Variants in TGFBR2 observed in about 807,000 individuals in gnomAD.
The protein encoded by TGFBR2 is TGF-beta receptor type-2.
A neutral mutation model predicts 49.0 loss-of-function variants in TGFBR2; 18 were observed. The ratio of observed to expected loss-of-function variants is 0.37; its 90% CI spans 0.25 to 0.54. The LOEUF (loss-of-function observed/expected upper bound fraction) is 0.54. TGFBR2 is among the 20% of genes least tolerant of loss of function. The pLI, the probability that TGFBR2 is intolerant of heterozygous loss-of-function variation, is 0.85. For missense variants in TGFBR2, 525 were observed against 722.6 expected (o/e 0.73, Z 3.13); for synonymous variants, 282 against 275.9 (o/e 1.02, Z -0.22).
chr3:30,693,838 G>GTT lies in TGFBR2; in HGVS notation c.*2247_*2248dup, dbSNP rs34914516. On this transcript the variant is annotated 3_prime_UTR_variant, in exon 7 of 7. Transcript: ENST00000295754. Reference sequence around the variant, plus strand: ...GGATACTGTGGCTTGTTTTGTTTATGTTTTTTTTTCTTATTCAAGAAAAAA... The same window carrying GTT: ...GGATACTGTGGCTTGTTTTGTTTATGTTTTTTTTTTTCTTATTCAAGAAAAAA... 9.2e-4 allele frequency: 209 copies of GTT among 226,700 alleles called. No homozygotes were observed. Among genetic ancestry groups the GTT allele is most frequent in the Non-Finnish European group, 1.5e-3 (169 of 114,216 alleles). The allele number at this position is 226,700 out of a possible 1,614,324, so 14.0% of individuals were successfully genotyped here. A position where few individuals can be genotyped will look rare whatever the true frequency, so the allele number is the denominator to read the frequency against.
Position 30,671,986 on chromosome 3 carries a change from C to T in TGFBR2, c.803C>T (p.Ser268Leu), listed in dbSNP as rs139078984. Reference sequence around the variant, plus strand: ...AAGGCCAAGCTGAAGCAGAACACTTCAGAGCAGTTTGAGACAGTGGCAGTC... The same window carrying T: ...AAGGCCAAGCTGAAGCAGAACACTTTAGAGCAGTTTGAGACAGTGGCAGTC... ...VYKAKLKQNT[S>L]EQFETVAVKI... Residue 268 changes from serine to leucine, a missense_variant, in exon 4 of 7, where the codon TCA becomes TTA. Physicochemically the swap from Ser to Leu is moderately radical, Grantham distance 145 (BLOSUM62 -2). Around this residue, in one of 3 missense-constraint regions of TGFBR2, gnomAD observed 376 missense variants for 478.2 expected, o/e 0.79. Transcript: ENST00000295754. 2.5e-6 allele frequency: 4 copies of T among 1,614,078 alleles called. No individual in the cohort carries two copies. Among genetic ancestry groups the T allele is most frequent in the Non-Finnish European group, 3.4e-6 (4 of 1,180,034 alleles).
At chr3:30,649,817 A>T (rs939602987) in intron 2 of TGFBR2, among the ~76,000 whole-genome samples, 3 of 152,200 alleles carry the variant, frequency 2.0e-5, no homozygotes, top group African/African-American at 7.2e-5. Flanking sequence ...CTTTGAAAAC[A>T]GTATAGCTAG....
At chr3:30,617,738 G>A (rs960234799) in intron 1 of TGFBR2, among the ~76,000 whole-genome samples, 1 of 152,140 alleles carries the variant, frequency 6.6e-6, no homozygotes, top group Non-Finnish European at 1.5e-5. Context: ...AACAGCAACT[G>A]AAGATGTTCT....
intron 1 of TGFBR2, chr3:30,626,937 T>C (rs1698342057): frequency 6.6e-6 from 1 of 152,222 alleles, no homozygotes; most frequent in Non-Finnish European, 1.5e-5. Context: ...AATCAGATTA[T>C]GGGAGCCTTA....
intron 3 of TGFBR2, among the ~76,000 whole-genome samples, chr3:30,651,078 C>T (rs1017192123): frequency 4.6e-5 from 7 of 152,172 alleles, no homozygotes; most frequent in Non-Finnish European, 7.3e-5. Flanking sequence ...AGATTAGATA[C>T]TAGCCTCCAT....
chr3:30,649,165 C>T (rs138079917), intron 2 of TGFBR2, among the ~76,000 whole-genome samples: 4 of 152,228 alleles, frequency 2.6e-5, no homozygotes, highest in East Asian at 1.9e-4. Context: ...CCCTTCCTTC[C>T]GCTCCCTCTC....
At chr3:30,650,481 G>T (rs2125410880) in intron 3 of TGFBR2, 21 bp downstream of exon 3, 1 of 1,613,484 alleles carries the variant, frequency 6.2e-7, no homozygotes, top group Non-Finnish European at 8.5e-7. Context: ...TTCTCTTAAG[G>T]GTGTGGGACC....
At chr3:30,659,008 G>T (rs908228906) in intron 3 of TGFBR2, among the ~76,000 whole-genome samples, 1 of 152,286 alleles carries the variant, frequency 6.6e-6, no homozygotes, top group Non-Finnish European at 1.5e-5. Flanking sequence ...CTCATTTTAT[G>T]TTTGTTCAGC....
rs1240079775 is a variant in TGFBR2 at position 30,649,058 on chromosome 3, GA to G, written c.264-1208del. Among the ~76,000 whole-genome samples the G allele has an allele frequency of 9.9e-5, 15 of 152,258 alleles. No homozygotes were observed. The East Asian group carries it at 2.3e-3, about 24-fold the overall frequency. ...GTGCATGGGGCAGGGAGGATTAGGG[GA>G]AAATTGGTGAGTGAGTACATGCATG... is the stretch of plus-strand genomic sequence containing the variant. On this transcript the variant is annotated intron_variant, in intron 2 of 6. Coordinates refer to ENST00000295754, the MANE Select transcript of TGFBR2 (RefSeq NM_003242.6).
At chr3:30,620,487 A>G (rs993457610) in intron 1 of TGFBR2, among the ~76,000 whole-genome samples, 1 of 152,002 alleles carries the variant, frequency 6.6e-6, no homozygotes. Context: ...AAAATCTCGT[A>G]TGATCTGCTT....
chr3:30,631,878 C>A (rs369355021), intron 1 of TGFBR2, among the ~76,000 whole-genome samples: 1 of 152,040 alleles, frequency 6.6e-6, no homozygotes, highest in Admixed American at 6.6e-5. Context: ...CGATTCAGAG[C>A]CTTCTCCACT....
At chr3:30,629,654 G>A (rs918001078) in intron 1 of TGFBR2, among the ~76,000 whole-genome samples, 1 of 152,188 alleles carries the variant, frequency 6.6e-6, no homozygotes, top group Non-Finnish European at 1.5e-5. Context: ...TTAGGGATAG[G>A]AAAGCCATCA....
chr3:30,688,573 A>C, intron 6 of TGFBR2, 62 bp downstream of exon 6: 1 of 1,604,398 alleles, frequency 6.2e-7, no homozygotes, highest in Non-Finnish European at 8.5e-7. Context: ...TAGGTGGCAG[A>C]GAATTCTGGA....
chr3:30,645,147 A>G (rs1698707458), intron 2 of TGFBR2, among the ~76,000 whole-genome samples: 1 of 152,178 alleles, frequency 6.6e-6, no homozygotes, highest in Non-Finnish European at 1.5e-5. Context: ...TAAAATGATC[A>G]TGATAAATGT....
chr3:30,619,238 C>T lies in TGFBR2; in HGVS notation c.94+12261C>T, dbSNP rs150671633. ...TATTTTTGCCCTTGAATTATGCTAC[C>T]GTAACACAAACCTGAACTCTTATAT... On this transcript the variant is annotated intron_variant, in intron 1 of 6. Transcript: ENST00000295754. Among the ~76,000 whole-genome samples, 1,220 of 152,246 alleles carry T rather than the reference C, an allele frequency of 8.0e-3. 19 individuals carry two copies. Among genetic ancestry groups the T allele is most frequent in the African/African-American group, 0.028 (1,178 of 41,552 alleles).
At chr3:30,619,671 C>T (rs556599171) in intron 1 of TGFBR2, among the ~76,000 whole-genome samples, 30 of 152,282 alleles carry the variant, frequency 2.0e-4, no homozygotes, top group Admixed American at 7.8e-4. Flanking sequence ...TGACCATTCT[C>T]CACCACCTCC....
At chr3:30,681,748 G>A (rs1346276055) in intron 5 of TGFBR2, among the ~76,000 whole-genome samples, 1 of 152,182 alleles carries the variant, frequency 6.6e-6, no homozygotes, top group Non-Finnish European at 1.5e-5. Flanking sequence ...ACAGTCTGAG[G>A]GTGAGACAAA....
At position 30,685,317 on chromosome 3, in the gene TGFBR2, A is replaced by G. The variant is rs574222526; in HGVS notation, c.1397-3067A>G. Among the ~76,000 whole-genome samples, 3 of 152,350 alleles carry G rather than the reference A, an allele frequency of 2.0e-5. No individual in the cohort carries two copies. The South Asian group carries it at 6.2e-4, about 32-fold the overall frequency. On this transcript the variant is annotated intron_variant, in intron 5 of 6. Coordinates refer to ENST00000295754, the MANE Select transcript of TGFBR2 (RefSeq NM_003242.6). ...ACCTTCACAAGAAGGGGCTACATCA[A>G]GGCTTCCCCAGGGTAGCTTTGCAGC...
rs1443533871 is a variant in TGFBR2, at chr3:30,644,959, T to C, written c.263+44T>C. 3.9e-6 allele frequency: 6 copies of C among 1,556,600 alleles called. No homozygotes were observed. The African/African-American group carries it at 8.1e-5, about 21-fold the overall frequency. ...AAGTTATTCTTTCTTTTCCCCTTTT[T>C]ACATAATGTATTCTCATAGTACACA... On this transcript the variant is annotated intron_variant, in intron 2 of 6. Transcript: ENST00000295754.
Sources: allele counts gnomAD v4.1 joint callset (sites outside exome capture counted in the v4.1 genomes callset), GRCh38; gene constraint gnomAD v4.1.1; regional missense constraint gnomAD v4.1.1; transcripts MANE v1.5; gene names NCBI Gene and HGNC (gene_info 2026-07-23, HGNC 2026-07-21).